Variants in ERC1 observed in about 807,000 individuals in gnomAD.
The protein encoded by ERC1 is ELKS/RAB6-interacting/CAST family member 1.
ERC1 carries 56 observed loss-of-function variants against 132.0 expected under a neutral mutation model. The observed-to-expected ratio is 0.42, with a 90% CI of 0.34 to 0.53. The LOEUF (loss-of-function observed/expected upper bound fraction) is 0.53, where lower values mean the gene tolerates loss of function less well. Ranked by LOEUF, ERC1 falls within the 20% of genes least tolerant of loss-of-function variation. ERC1 has a pLI of 0.03. For synonymous variants in ERC1, 478 were observed against 476.1 expected (o/e 1.00, Z -0.05); for missense variants, 1,202 against 1,349.9 (o/e 0.89, Z 1.72).
At position 1,491,390 on chromosome 12, in the gene ERC1, G is replaced by A. The variant is rs1049990531; in HGVS notation, c.*1160G>A. The A allele has an allele frequency of 1.5e-4, 34 of 230,610 alleles. No homozygotes were observed. Among genetic ancestry groups the A allele is most frequent in the African/African-American group, 5.7e-4 (26 of 45,320 alleles). 14.3% of individuals were successfully genotyped at this position (230,610 alleles called of 1,614,324 possible). On this transcript the variant is annotated 3_prime_UTR_variant, in exon 19 of 19. Transcript: ENST00000360905. ...TTCCTCCTACACACATTCCTTCCTCGGTTATTTCATTCAGAGAATATTTAT... is the reference window on the plus strand; with the variant it reads ...TTCCTCCTACACACATTCCTTCCTCAGTTATTTCATTCAGAGAATATTTAT...
At chr12:1,477,501 A>G (rs1333076454) in intron 18 of ERC1, among the ~76,000 whole-genome samples, 2 of 152,218 alleles carry the variant, frequency 1.3e-5, no homozygotes, top group African/African-American at 2.4e-5. Flanking sequence ...TGGGGCAGGC[A>G]GAGGAGAGCC....
At chr12:1,186,664 T>C (rs1955128371) in intron 11 of ERC1, among the ~76,000 whole-genome samples, 1 of 152,328 alleles carries the variant, frequency 6.6e-6, no homozygotes, top group Admixed American at 6.5e-5. Context: ...TAACGTATAG[T>C]TAGAACTTAA....
chr12:1,237,644 G>A (rs2075510432), intron 13 of ERC1, among the ~76,000 whole-genome samples: 1 of 152,214 alleles, frequency 6.6e-6, no homozygotes, highest in African/African-American at 2.4e-5. Context: ...GAGACATTGT[G>A]TTACTTACGT....
intron 15 of ERC1, among the ~76,000 whole-genome samples, chr12:1,352,840 A>G (rs1218246032): frequency 6.6e-6 from 1 of 152,162 alleles, no homozygotes; most frequent in African/African-American, 2.4e-5. Context: ...ACAAATACAT[A>G]TTCATTATAT....
Position 1,097,777 on chromosome 12 carries a change from C to T in ERC1, c.1087-6973C>T, listed in dbSNP as rs148251283. Among the ~76,000 whole-genome samples, 26 of 150,566 alleles carry T rather than the reference C, an allele frequency of 1.7e-4. No homozygotes were observed. The East Asian group carries it at 2.5e-3, about 15-fold the overall frequency. On this transcript the variant is annotated intron_variant, in intron 3 of 18. Coordinates refer to ENST00000360905, the MANE Select transcript of ERC1 (RefSeq NM_178040.4). ...TTGCCCAAGCTGGAGTGCAATGTCG[C>T]GATCTCGGCTGACTGTAACCTCTGC...
intron 18 of ERC1, 79 bp from the exon 19 acceptor site, chr12:1,490,014 T>C (rs1404733637): frequency 5.3e-6 from 8 of 1,499,224 alleles, no homozygotes; most frequent in Non-Finnish European, 7.3e-6. Flanking sequence ...GCCTTTGTCA[T>C]TTATTGATGA....
rs568861250 is a variant in ERC1, at chr12:1,112,337, C to T, written c.1401+39C>T. 965 of 1,433,768 alleles carry T rather than the reference C, an allele frequency of 6.7e-4. 19 individuals are homozygous for T. In the South Asian group the frequency reaches 0.01, roughly 16 times the overall value. 88.8% of individuals were successfully genotyped at this position (1,433,768 alleles called of 1,614,324 possible). A position where few individuals can be genotyped will look rare whatever the true frequency, so the allele number is the denominator to read the frequency against. ...GATTTACCTCTTTGTGTGCAGTGGT[C>T]CCACAGTGGGACCCTGCTAGCTCTA... On this transcript the variant is annotated intron_variant, in intron 6 of 18. Transcript: ENST00000360905.
chr12:995,366 G>A (rs1347605936), intron 1 of ERC1, among the ~76,000 whole-genome samples: 1 of 152,162 alleles, frequency 6.6e-6, no homozygotes, highest in African/African-American at 2.4e-5. Context: ...GGAGGGGTTG[G>A]ATTTTGTATG....
At position 1,144,613 on chromosome 12, in the gene ERC1, G is replaced by GT. The variant is rs1950150235; in HGVS notation, c.1737+2826_1737+2827insT. Among the ~76,000 whole-genome samples the GT allele has an allele frequency of 7.1e-5, 9 of 126,288 alleles. No homozygotes were observed. The South Asian group carries it at 2.2e-3, about 30-fold the overall frequency. The allele number at this position is 126,288 out of a possible 152,430, so 82.8% of individuals were successfully genotyped here. Reference sequence around the variant, plus strand: ...TTTTTATGGCTGAGTAGAATTTTGTGGTATATATATATATATATATACGTG... The same window carrying GT: ...TTTTTATGGCTGAGTAGAATTTTGTGTGTATATATATATATATATATACGTG... On this transcript the variant is annotated intron_variant, in intron 8 of 18. Transcript: ENST00000360905.
chr12:1,102,972 C>T (rs769868606), intron 3 of ERC1, among the ~76,000 whole-genome samples: 7 of 152,160 alleles, frequency 4.6e-5, no homozygotes, highest in Non-Finnish European at 5.9e-5. Context: ...ACACCAGTTT[C>T]GAAAATTTTG....
At chr12:1,025,821 G>A (rs1046616319) in intron 1 of ERC1, among the ~76,000 whole-genome samples, 54 of 130,142 alleles carry the variant, frequency 4.1e-4, no homozygotes, top group African/African-American at 1.3e-3. Context: ...TTTTTGAGAC[G>A]GAGTCTCGCT....
Position 1,284,498 on chromosome 12 carries a change from G to GT in ERC1, c.2620-5351dup, listed in dbSNP as rs147258299. On this transcript the variant is annotated intron_variant, in intron 14 of 18. Transcript: ENST00000360905. ...TCATGAGAGAGTTCTATTTTTAGTT[G>GT]TTTAAGGAAACACCATACTATTTTC... Among the ~76,000 whole-genome samples, 296 of 152,196 alleles carry GT rather than the reference G, an allele frequency of 1.9e-3. 1 individual carries two copies. Among genetic ancestry groups the GT allele is most frequent in the African/African-American group, 6.7e-3 (278 of 41,544 alleles).
At chr12:1,221,071 C>G (rs1958939478) in intron 12 of ERC1, among the ~76,000 whole-genome samples, 1 of 152,194 alleles carries the variant, frequency 6.6e-6, no homozygotes, top group African/African-American at 2.4e-5. Flanking sequence ...GGACTTATCA[C>G]TGTCTGACAT....
At chr12:994,593 C>T (rs1225483081) in intron 1 of ERC1, among the ~76,000 whole-genome samples, 1 of 152,154 alleles carries the variant, frequency 6.6e-6, no homozygotes, top group East Asian at 1.9e-4. Context: ...GTATTTAGAA[C>T]AGTTTGGGCA....
chr12:1,002,404 C>G (rs1360747678), intron 1 of ERC1, among the ~76,000 whole-genome samples: 1 of 147,836 alleles, frequency 6.8e-6, no homozygotes, highest in Middle Eastern at 3.3e-3. Context: ...TCAGGCTGGT[C>G]TTGAACTCCT....
chr12:1,193,394 A>G (rs757338363), intron 12 of ERC1, among the ~76,000 whole-genome samples: 26 of 151,994 alleles, frequency 1.7e-4, no homozygotes, highest in Non-Finnish European at 2.9e-4. Flanking sequence ...TGTGGTGCAT[A>G]TTAGTTGGAA....
Position 1,489,986 on chromosome 12 carries a change from A to T in ERC1, c.3214-107A>T, listed in dbSNP as rs1242618149. On this transcript the variant is annotated intron_variant, in intron 18 of 18. Coordinates refer to ENST00000360905, the MANE Select transcript of ERC1 (RefSeq NM_178040.4). The stretch of plus-strand genomic sequence containing the variant: ...TCTTATGGTTAATTTTGATGCAGAG[A>T]GACTTCACATACAGAGTGCCTTTGT... The T allele has an allele frequency of 1.2e-5, 14 of 1,200,086 alleles. No individual in the cohort carries two copies. In the East Asian group the frequency reaches 3.3e-4, roughly 28 times the overall value. 74.3% of individuals were successfully genotyped at this position (1,200,086 alleles called of 1,614,324 possible). A position where few individuals can be genotyped will look rare whatever the true frequency, so the allele number is the denominator to read the frequency against.
chr12:1,403,039 G>A (rs115569041), intron 16 of ERC1, among the ~76,000 whole-genome samples: 143 of 152,302 alleles, frequency 9.4e-4, no homozygotes, highest in African/African-American at 3.3e-3. Context: ...TGTAGTTTCT[G>A]TAACAAGTTA....
chr12:1,367,000 A>G (rs188922775), intron 15 of ERC1, among the ~76,000 whole-genome samples: 9 of 152,282 alleles, frequency 5.9e-5, no homozygotes, highest in Admixed American at 5.9e-4. Context: ...CCCATGGACT[A>G]TGGTTTTCAC....
Sources: allele counts gnomAD v4.1 joint callset (sites outside exome capture counted in the v4.1 genomes callset), GRCh38; gene constraint gnomAD v4.1.1; transcripts MANE v1.5; gene names NCBI Gene and HGNC (gene_info 2026-07-23, HGNC 2026-07-21).